PSD3: variants seen among roughly 807,000 people sequenced by gnomAD.
PSD3 encodes the protein PH and SEC7 domain-containing protein 3.
PSD3 carries 49 observed loss-of-function variants against 105.5 expected under a neutral mutation model. That is an observed-to-expected ratio of 0.46 (90% confidence interval 0.37 to 0.59). The LOEUF is 0.59. PSD3 is among the 20% of genes least tolerant of loss of function. PSD3 has a pLI of 0.00. For synonymous variants in PSD3, 557 were observed against 457.8 expected (o/e 1.22, Z -2.77); for missense variants, 1,561 against 1,263.8 (o/e 1.24, Z -3.57).
At chr8:18,810,987 A>C (rs1811635159) in intron 4 of PSD3, among the ~76,000 whole-genome samples, 1 of 152,318 alleles carries the variant, frequency 6.6e-6, no homozygotes, top group Admixed American at 6.5e-5. Flanking sequence ...AAAGAAAATA[A>C]TTTTGTCCAT....
intron 4 of PSD3, among the ~76,000 whole-genome samples, chr8:18,841,471 C>T (rs1814618839): frequency 7.9e-6 from 1 of 126,330 alleles, no homozygotes; most frequent in Non-Finnish European, 1.5e-5. Context: ...TATTTAAACA[C>T]ACACACACAC....
At chr8:18,818,929 A>C (rs2129449077) in intron 4 of PSD3, among the ~76,000 whole-genome samples, 1 of 152,246 alleles carries the variant, frequency 6.6e-6, no homozygotes, top group Non-Finnish European at 1.5e-5. Flanking sequence ...CAGGGCTCAC[A>C]GGTAAACAAG....
At chr8:18,810,399 C>G (rs1038925521) in intron 4 of PSD3, among the ~76,000 whole-genome samples, 3 of 152,166 alleles carry the variant, frequency 2.0e-5, no homozygotes, top group Non-Finnish European at 2.9e-5. Context: ...TGGAAAAAAA[C>G]TGACATCAGT....
intron 9 of PSD3, among the ~76,000 whole-genome samples, chr8:18,759,662 T>C (rs985326729): frequency 2.6e-5 from 4 of 152,214 alleles, no homozygotes; most frequent in Middle Eastern, 3.4e-3. Context: ...AATGGGAAAG[T>C]GGGATAGAAA....
At chr8:18,683,802 G>C (rs1173428697) in intron 9 of PSD3, 1 of 765,180 alleles carries the variant, frequency 1.3e-6, no homozygotes, top group African/African-American at 1.7e-5. Context: ...AAACTCTGAG[G>C]AGTTGGAAAT....
intron 1 of PSD3, among the ~76,000 whole-genome samples, chr8:18,974,322 C>T (rs1380163965): frequency 6.6e-6 from 1 of 152,172 alleles, no homozygotes; most frequent in Admixed American, 6.5e-5. Context: ...AAATGCAAAT[C>T]TTTTATGTCA....
At chr8:18,610,391 T>C (rs1466823723) in intron 11 of PSD3, among the ~76,000 whole-genome samples, 2 of 152,224 alleles carry the variant, frequency 1.3e-5, no homozygotes, top group African/African-American at 4.8e-5. Context: ...TGTATTCAAA[T>C]AAGGTACGTG....
At chr8:18,953,002 T>G (rs1330422956) in intron 1 of PSD3, among the ~76,000 whole-genome samples, 1 of 152,096 alleles carries the variant, frequency 6.6e-6, no homozygotes, top group Non-Finnish European at 1.5e-5. Context: ...TATTTAAATA[T>G]CTAATATATA....
At chr8:18,662,708 C>T (rs1809447059) in intron 9 of PSD3, among the ~76,000 whole-genome samples, 1 of 152,144 alleles carries the variant, frequency 6.6e-6, no homozygotes, top group African/African-American at 2.4e-5. Context: ...TGAGAAAGAC[C>T]TTAGCTATCA....
chr8:18,647,899 C>CCG (rs959489068), intron 10 of PSD3, among the ~76,000 whole-genome samples: 6 of 152,120 alleles, frequency 3.9e-5, no homozygotes, highest in African/African-American at 1.4e-4. Flanking sequence ...TCCTCTTGCT[C>CCG]CGGCCATGTG....
intron 1 of PSD3, among the ~76,000 whole-genome samples, chr8:19,065,962 A>T (rs1829061894): frequency 6.6e-6 from 1 of 151,790 alleles, no homozygotes; most frequent in African/African-American, 2.4e-5. Context: ...ATACAAAAAG[A>T]CCACTTTGGA....
intron 6 of PSD3, among the ~76,000 whole-genome samples, chr8:18,803,820 T>C (rs1810953143): frequency 6.6e-6 from 1 of 152,032 alleles, no homozygotes; most frequent in African/African-American, 2.4e-5. Flanking sequence ...GTATGGAGCT[T>C]CAGTTTTACA....
intron 9 of PSD3, among the ~76,000 whole-genome samples, chr8:18,727,850 C>T (rs183036788): frequency 2.0e-5 from 3 of 152,122 alleles, no homozygotes; most frequent in Admixed American, 6.5e-5. Flanking sequence ...GTAACATATC[C>T]CACCCATCGA....
chr8:18,924,495 G>T (rs1364748988), intron 2 of PSD3: 1 of 152,158 alleles, frequency 6.6e-6, no homozygotes, highest in Non-Finnish European at 1.5e-5. Context: ...TCTATCCGTG[G>T]TGAAAACAAG....
In PSD3 at chr8:19,013,609, C is replaced by A. The variant is rs778692776; in HGVS notation, c.-26G>T. On this transcript the variant is annotated 5_prime_UTR_variant, in exon 1 of 16. Transcript: ENST00000327040. Reference sequence around the variant, plus strand: ...CTTCCATCGCCAGCCCGGCCGCGCGCCGAAACCGCCGCCGGGCGCTCCGGG... The same window carrying A: ...CTTCCATCGCCAGCCCGGCCGCGCGACGAAACCGCCGCCGGGCGCTCCGGG... 8 of 1,429,586 alleles carry A rather than the reference C, an allele frequency of 5.6e-6. No homozygotes were observed. In the African/African-American group the frequency reaches 7.5e-5, roughly 13 times the overall value. The allele number at this position is 1,429,586 out of a possible 1,614,324, so 88.6% of individuals were successfully genotyped here. A position where few individuals can be genotyped will look rare whatever the true frequency, so the allele number is the denominator to read the frequency against.
intron 2 of PSD3, among the ~76,000 whole-genome samples, chr8:18,926,620 G>A (rs766841851): frequency 5.9e-5 from 9 of 152,118 alleles, no homozygotes; most frequent in Non-Finnish European, 8.8e-5. Flanking sequence ...AAGAAAGACA[G>A]AGAATAACAA....
chr8:18,872,853 A>G (rs1817484771), intron 2 of PSD3, 120 bp from the exon 3 acceptor site: 3 of 980,178 alleles, frequency 3.1e-6, no homozygotes, highest in East Asian at 2.5e-5. Context: ...TTATTGCATT[A>G]TATCAGTCCT....
intron 9 of PSD3, among the ~76,000 whole-genome samples, chr8:18,673,065 C>T (rs1379988758): frequency 6.6e-6 from 1 of 152,012 alleles, no homozygotes. Context: ...TTAACTTCAC[C>T]TCTGATTCTT....
chr8:18,590,554 G>C (rs2130489030), intron 12 of PSD3, among the ~76,000 whole-genome samples: 1 of 152,200 alleles, frequency 6.6e-6, no homozygotes, highest in East Asian at 1.9e-4. Flanking sequence ...AATCTTTCTG[G>C]AGGTAATTTA....
Sources: allele counts gnomAD v4.1 joint callset (sites outside exome capture counted in the v4.1 genomes callset), GRCh38; gene constraint gnomAD v4.1.1; transcripts MANE v1.5; gene names NCBI Gene and HGNC (gene_info 2026-07-23, HGNC 2026-07-21).